Variants in PDE7B observed in about 807,000 individuals in gnomAD.
The protein encoded by PDE7B is 3',5'-cyclic-AMP phosphodiesterase 7B.
A neutral mutation model predicts 56.2 loss-of-function variants in PDE7B; 29 were observed. That is an observed-to-expected ratio of 0.52 (90% CI 0.38 to 0.70). The LOEUF (loss-of-function observed/expected upper bound fraction) is 0.70. Among genes scored for constraint, PDE7B ranks in the 30% least tolerant of loss-of-function variants. PDE7B has a pLI of 0.00. For synonymous variants in PDE7B, 197 were observed against 196.9 expected (o/e 1.00, Z 0.00); for missense variants, 490 against 565.0 (o/e 0.87, Z 1.35).
intron 10 of PDE7B, among the ~76,000 whole-genome samples, chr6:136,179,674 C>T (rs1469872793): frequency 1.3e-5 from 2 of 152,160 alleles, no homozygotes; most frequent in Admixed American, 6.5e-5. Context: ...GTTTCTGAAA[C>T]ACAAAAGCAT....
chr6:136,107,887 G>A (rs1777672913), intron 2 of PDE7B, among the ~76,000 whole-genome samples: 1 of 152,144 alleles, frequency 6.6e-6, no homozygotes, highest in African/African-American at 2.4e-5. Flanking sequence ...CCAGAACTTT[G>A]GGAGGCCGAG....
At chr6:136,040,436 G>C (rs992454167) in intron 2 of PDE7B, among the ~76,000 whole-genome samples, 1 of 152,134 alleles carries the variant, frequency 6.6e-6, no homozygotes, top group African/African-American at 2.4e-5. Flanking sequence ...TTTCCAAACT[G>C]TCTCTTACCT....
chr6:135,893,439 G>A (rs1409555351), intron 1 of PDE7B, among the ~76,000 whole-genome samples: 3 of 152,014 alleles, frequency 2.0e-5, no homozygotes, highest in Admixed American at 1.3e-4. Context: ...TGGTGTATAT[G>A]TGCCACATTT....
intron 1 of PDE7B, among the ~76,000 whole-genome samples, chr6:135,936,466 A>C (rs1246484356): frequency 6.6e-6 from 1 of 152,218 alleles, no homozygotes; most frequent in Non-Finnish European, 1.5e-5. Context: ...GTGTGAGTAC[A>C]TATTTGTTGG....
chr6:135,866,275 CACCT>C (rs1165431171), intron 1 of PDE7B, among the ~76,000 whole-genome samples: 7 of 152,136 alleles, frequency 4.6e-5, no homozygotes, highest in Admixed American at 6.5e-5. Flanking sequence ...TACATGTACT[CACCT>C]ACCCTTTTGT....
chr6:136,185,106 C>T (rs891268191), intron 11 of PDE7B, among the ~76,000 whole-genome samples: 2 of 152,144 alleles, frequency 1.3e-5, no homozygotes, highest in Non-Finnish European at 2.9e-5. Context: ...GGCCTGCCCT[C>T]AGAAGGCTAT....
chr6:135,943,638 T>C (rs967110212), intron 1 of PDE7B, among the ~76,000 whole-genome samples: 5 of 152,200 alleles, frequency 3.3e-5, no homozygotes, highest in Non-Finnish European at 7.3e-5. Context: ...AATGCGAGTG[T>C]GAAAAGTAGA....
rs74615905 is a variant in PDE7B, at chr6:136,160,179, G to C, written c.711+4421G>C. Among the ~76,000 whole-genome samples, 853 of 152,236 alleles carry C rather than the reference G, an allele frequency of 5.6e-3. 7 individuals carry two copies. Among genetic ancestry groups the C allele is most frequent in the African/African-American group, 0.02 (819 of 41,526 alleles). Reference sequence around the variant, plus strand: ...TTAAAACTGCAAGTAGGAAGGGTTTGAGCCACTAGAACACATTGTCATCAG... The same window carrying C: ...TTAAAACTGCAAGTAGGAAGGGTTTCAGCCACTAGAACACATTGTCATCAG... On this transcript the variant is annotated intron_variant, in intron 8 of 12. Coordinates refer to ENST00000308191, the MANE Select transcript of PDE7B (RefSeq NM_018945.4).
intron 2 of PDE7B, among the ~76,000 whole-genome samples, chr6:136,107,501 T>C (rs1052745292): frequency 6.6e-6 from 1 of 151,788 alleles, no homozygotes. Flanking sequence ...AGTGCTATTA[T>C]GGAGAAATGT....
At chr6:136,005,709 G>C (rs2128206573) in intron 2 of PDE7B, among the ~76,000 whole-genome samples, 1 of 152,270 alleles carries the variant, frequency 6.6e-6, no homozygotes, top group Middle Eastern at 3.4e-3. Context: ...GAAACAACAG[G>C]TGCTGGAGAG....
chr6:136,088,053 C>T (rs1299373711), intron 2 of PDE7B, among the ~76,000 whole-genome samples: 2 of 152,166 alleles, frequency 1.3e-5, no homozygotes, highest in Non-Finnish European at 2.9e-5. Context: ...TCCATCCCAT[C>T]GGCAGTATAC....
At chr6:136,160,606 T>A (rs1778688355) in intron 8 of PDE7B, among the ~76,000 whole-genome samples, 1 of 152,194 alleles carries the variant, frequency 6.6e-6, no homozygotes. Context: ...TTTTCCACTA[T>A]GAAGACAGAA....
chr6:136,056,479 C>G (rs1208771150), intron 2 of PDE7B, among the ~76,000 whole-genome samples: 1 of 142,410 alleles, frequency 7.0e-6, no homozygotes, highest in Admixed American at 7.1e-5. Context: ...TTTCAGTAAG[C>G]CTTCAATTCT....
chr6:136,185,028 A>G (rs1044979731), intron 11 of PDE7B, among the ~76,000 whole-genome samples: 3 of 152,262 alleles, frequency 2.0e-5, no homozygotes, highest in East Asian at 3.9e-4. Flanking sequence ...ATCACTATTA[A>G]CAGAATTACG....
intron 8 of PDE7B, among the ~76,000 whole-genome samples, chr6:136,163,798 G>C (rs1778749022): frequency 6.6e-6 from 1 of 152,186 alleles, no homozygotes; most frequent in Non-Finnish European, 1.5e-5. Flanking sequence ...CAGTCTCTTT[G>C]CTAAAGCATA....
chr6:136,139,605 A>G (rs1264762144), intron 3 of PDE7B, among the ~76,000 whole-genome samples: 16 of 152,054 alleles, frequency 1.1e-4, no homozygotes, highest in Admixed American at 8.5e-4. Flanking sequence ...AAGTGTTCCT[A>G]TTTCTCCACA....
chr6:136,144,152 T>C (rs1417769849), intron 3 of PDE7B, among the ~76,000 whole-genome samples: 3 of 152,136 alleles, frequency 2.0e-5, no homozygotes, highest in Non-Finnish European at 4.4e-5. Context: ...TACTTTCCTA[T>C]GTAGCAAAAC....
intron 1 of PDE7B, among the ~76,000 whole-genome samples, chr6:135,934,722 T>C (rs1297773239): frequency 1.8e-5 from 2 of 110,922 alleles, no homozygotes; most frequent in Non-Finnish European, 3.6e-5. Context: ...AGAGTGAAAC[T>C]CTGTCTCAAA....
intron 2 of PDE7B, among the ~76,000 whole-genome samples, chr6:135,967,648 C>A (rs1775018446): frequency 6.6e-6 from 1 of 152,196 alleles, no homozygotes; most frequent in South Asian, 2.1e-4. Context: ...CTGATGAATT[C>A]TTTAGGGTCT....
Sources: allele counts gnomAD v4.1 joint callset (sites outside exome capture counted in the v4.1 genomes callset), GRCh38; gene constraint gnomAD v4.1.1; transcripts MANE v1.5; gene names NCBI Gene and HGNC (gene_info 2026-07-23, HGNC 2026-07-21).